NELL1: variants seen among roughly 807,000 people sequenced by gnomAD.
NELL1 encodes the protein protein kinase C-binding protein NELL1.
NELL1 carries 76 observed loss-of-function variants against 107.4 expected under a neutral mutation model. The ratio of observed to expected loss-of-function variants is 0.71; its 90% CI spans 0.59 to 0.86. The LOEUF (loss-of-function observed/expected upper bound fraction) is 0.86, where lower values mean the gene tolerates loss of function less well. Ranked by LOEUF, NELL1 falls within the 40% of genes least tolerant of loss-of-function variation. The pLI is 0.00. For missense variants in NELL1, 1,024 were observed against 1,005.5 expected (o/e 1.02, Z -0.25); for synonymous variants, 353 against 341.2 (o/e 1.03, Z -0.38).
intron 2 of NELL1, among the ~76,000 whole-genome samples, chr11:20,737,042 C>T (rs534231759): frequency 1.3e-5 from 2 of 152,084 alleles, no homozygotes; most frequent in Non-Finnish European, 2.9e-5. Flanking sequence ...TGTGAGCCAC[C>T]GTGCTTGCCC....
At chr11:21,290,553 C>G (rs1348327174) in intron 14 of NELL1, among the ~76,000 whole-genome samples, 7 of 152,134 alleles carry the variant, frequency 4.6e-5, no homozygotes, top group East Asian at 1.9e-4. Context: ...GACTGGGAGA[C>G]ACATCCCAGG....
intron 11 of NELL1, among the ~76,000 whole-genome samples, chr11:20,955,149 A>G (rs758441855): frequency 1.2e-4 from 19 of 152,212 alleles, no homozygotes; most frequent in Non-Finnish European, 2.1e-4. Flanking sequence ...TGGTAGGAAA[A>G]AACATCAAGC....
chr11:21,560,449 C>T, intron 17 of NELL1, 67 bp downstream of exon 17: 1 of 1,381,978 alleles, frequency 7.2e-7, no homozygotes, highest in East Asian at 2.4e-5. Context: ...TTTTCTACCT[C>T]CCCAGCTCTC....
intron 13 of NELL1, among the ~76,000 whole-genome samples, chr11:21,153,912 C>T (rs569403312): frequency 4.0e-4 from 61 of 152,248 alleles, no homozygotes; most frequent in South Asian, 8.3e-4. Context: ...GAATCCTATT[C>T]CCAACCCCTG....
intron 2 of NELL1, among the ~76,000 whole-genome samples, chr11:20,717,534 G>T (rs1177680351): frequency 6.6e-6 from 1 of 152,104 alleles, no homozygotes; most frequent in African/African-American, 2.4e-5. Context: ...AAAATGAAGT[G>T]AGGAAGTTAA....
intron 14 of NELL1, among the ~76,000 whole-genome samples, chr11:21,335,865 G>T (rs1850378633): frequency 6.6e-6 from 1 of 152,020 alleles, no homozygotes; most frequent in Non-Finnish European, 1.5e-5. Flanking sequence ...GTTCAGCCCA[G>T]CCCAAAAGAC....
At chr11:20,707,325 A>C (rs1444841819) in intron 2 of NELL1, among the ~76,000 whole-genome samples, 1 of 151,384 alleles carries the variant, frequency 6.6e-6, no homozygotes, top group African/African-American at 2.4e-5. Context: ...TTTAGCTCAG[A>C]GAAGTTTGTT....
At chr11:20,713,091 G>T (rs767807576) in intron 2 of NELL1, among the ~76,000 whole-genome samples, 14 of 152,200 alleles carry the variant, frequency 9.2e-5, no homozygotes, top group Admixed American at 6.5e-4. Context: ...GGCCTGAGTT[G>T]GTTGGCCTCC....
At chr11:20,820,021 A>G (rs965618592) in intron 3 of NELL1, among the ~76,000 whole-genome samples, 1 of 152,150 alleles carries the variant, frequency 6.6e-6, no homozygotes, top group Admixed American at 6.5e-5. Flanking sequence ...CTCAATCTAG[A>G]CTGTAGTGAC....
chr11:21,519,666 ATCTG>A (rs1482458244), intron 15 of NELL1, among the ~76,000 whole-genome samples: 2 of 151,982 alleles, frequency 1.3e-5, no homozygotes, highest in African/African-American at 4.8e-5. Context: ...GAAAGACAAA[ATCTG>A]TATGGTGCCT....
intron 15 of NELL1, among the ~76,000 whole-genome samples, chr11:21,483,718 G>A (rs942862952): frequency 6.6e-6 from 1 of 151,208 alleles, no homozygotes; most frequent in East Asian, 1.9e-4. Context: ...TTAGTAATTA[G>A]TTCAAAGAGT....
chr11:21,304,013 A>T (rs1471550325), intron 14 of NELL1, among the ~76,000 whole-genome samples: 1 of 151,998 alleles, frequency 6.6e-6, no homozygotes, highest in South Asian at 2.1e-4. Flanking sequence ...GGGCAGAATT[A>T]ATCACCTCCC....
At chr11:20,797,360 C>T (rs1049216919) in intron 3 of NELL1, among the ~76,000 whole-genome samples, 3 of 151,406 alleles carry the variant, frequency 2.0e-5, no homozygotes, top group African/African-American at 7.3e-5. Context: ...GTCAGGAGAT[C>T]GAGACCATCC....
chr11:20,669,797 G>GT lies in NELL1; in HGVS notation c.55+21dup. The GT allele has an allele frequency of 6.2e-7, 1 of 1,609,134 alleles. No individual in the cohort carries two copies. The highest frequency in any genetic ancestry group is 1.7e-4 in the Middle Eastern group (1 of 6,052). Reference sequence around the variant, plus strand: ...AGGACAGGTAAGCATGACTGTGGCGGTTAGAGGGATCCGGGAAATGGGGGT... The same window carrying GT: ...AGGACAGGTAAGCATGACTGTGGCGGTTTAGAGGGATCCGGGAAATGGGGGT... On this transcript the variant is annotated intron_variant, in intron 1 of 19. Transcript: ENST00000357134. The surrounding 1 kb of genome is among the most constrained non-coding windows in gnomAD (Gnocchi z 4.4).
At chr11:20,864,070 C>A (rs532652625) in intron 4 of NELL1, among the ~76,000 whole-genome samples, 1 of 152,252 alleles carries the variant, frequency 6.6e-6, no homozygotes, top group Non-Finnish European at 1.5e-5. Flanking sequence ...ACAGCCCAGC[C>A]TCGGCTGGGC....
At chr11:20,685,132 A>G (rs1362578356) in intron 2 of NELL1, among the ~76,000 whole-genome samples, 1 of 151,742 alleles carries the variant, frequency 6.6e-6, no homozygotes, top group African/African-American at 2.4e-5. Flanking sequence ...CCTCAACTCA[A>G]GGAGATTGCC....
chr11:21,264,953 C>G (rs939394278), intron 14 of NELL1, among the ~76,000 whole-genome samples: 3 of 151,882 alleles, frequency 2.0e-5, no homozygotes. Flanking sequence ...GGACACAATC[C>G]TCCTAGATAG....
intron 12 of NELL1, among the ~76,000 whole-genome samples, chr11:21,061,017 G>A (rs562352254): frequency 6.6e-6 from 1 of 152,196 alleles, no homozygotes; most frequent in African/African-American, 2.4e-5. Context: ...TTACAGGCGT[G>A]AGCCACCACG....
At chr11:20,907,830 C>T (rs1181752797) in intron 5 of NELL1, among the ~76,000 whole-genome samples, 1 of 152,038 alleles carries the variant, frequency 6.6e-6, no homozygotes, top group African/African-American at 2.4e-5. Context: ...AGTCTAATAT[C>T]CAGAATTTAC....
Sources: allele counts gnomAD v4.1 joint callset (sites outside exome capture counted in the v4.1 genomes callset), GRCh38; gene constraint gnomAD v4.1.1; non-coding constraint Gnocchi (gnomAD v3.1); transcripts MANE v1.5; gene names NCBI Gene and HGNC (gene_info 2026-07-23, HGNC 2026-07-21).